Variants in TPRG1 observed in about 807,000 individuals in gnomAD.
TPRG1 encodes the protein tumor protein p63-regulated gene 1 protein.
A neutral mutation model predicts 29.3 loss-of-function variants in TPRG1; 29 were observed. That is an observed-to-expected ratio of 0.99 (90% CI 0.74 to 1.35). TPRG1 has a LOEUF of 1.35. Ranked by LOEUF, TPRG1 falls within the 40% of genes most tolerant of loss-of-function variation. TPRG1 has a pLI of 0.00. For missense variants in TPRG1, 327 were observed against 335.0 expected, an observed-to-expected ratio of 0.98 and a Z score of 0.19; for synonymous variants, 130 against 116.8, an observed-to-expected ratio of 1.11 and a Z score of -0.73.
intron 5 of TPRG1, among the ~76,000 whole-genome samples, chr3:189,158,666 A>G (rs374823724): frequency 6.6e-6 from 1 of 152,240 alleles, no homozygotes; most frequent in African/African-American, 2.4e-5. Context: ...GGAAGAGCAG[A>G]CACCACTGCT....
chr3:189,311,456 C>T (rs979178308), intron 5 of TPRG1, among the ~76,000 whole-genome samples: 8 of 152,118 alleles, frequency 5.3e-5, no homozygotes, highest in Admixed American at 1.3e-4. Flanking sequence ...CATACCTATT[C>T]GTGCAAGTGT....
At chr3:189,016,026 A>C (rs551575415) in intron 3 of TPRG1, among the ~76,000 whole-genome samples, 12 of 152,108 alleles carry the variant, frequency 7.9e-5, no homozygotes, top group Non-Finnish European at 1.8e-4. Flanking sequence ...AGAATGGTAG[A>C]TCCAATAACA....
chr3:189,040,296 A>G (rs1407811046), intron 4 of TPRG1, among the ~76,000 whole-genome samples: 1 of 152,228 alleles, frequency 6.6e-6, no homozygotes, highest in African/African-American at 2.4e-5. Flanking sequence ...ACAGCGAAAT[A>G]TTGAACTTCT....
intron 2 of TPRG1, among the ~76,000 whole-genome samples, chr3:189,214,475 G>C (rs191115603): frequency 1.3e-5 from 2 of 152,214 alleles, no homozygotes; most frequent in East Asian, 1.9e-4. Context: ...CTCCCCTCCA[G>C]AGTCATCTAT....
intron 4 of TPRG1, among the ~76,000 whole-genome samples, chr3:189,041,262 A>G (rs1714615311): frequency 6.6e-6 from 1 of 152,160 alleles, no homozygotes; most frequent in African/African-American, 2.4e-5. Flanking sequence ...CTCATGTAGC[A>G]TGGTCATTGC....
At chr3:189,272,682 CCTTT>C (rs58830987) in intron 4 of TPRG1, among the ~76,000 whole-genome samples, 15 of 140,210 alleles carry the variant, frequency 1.1e-4, no homozygotes, top group African/African-American at 3.0e-4. Context: ...TCCTTTCTTT[CCTTT>C]CTTTCTTTCT....
chr3:189,180,003 T>C lies in TPRG1; in HGVS notation c.-10+7872T>C, dbSNP rs1578690078. Among the ~76,000 whole-genome samples the C allele has an allele frequency of 2.6e-5, 4 of 152,192 alleles. No homozygotes were observed. The South Asian group carries it at 8.3e-4, about 32-fold the overall frequency. On this transcript the variant is annotated intron_variant, in intron 1 of 5. Transcript: ENST00000345063. ...GTCTGGGGAAGCCTCACAATCATGATGGAAGGCAAGGAGGAGCAAGTCACA... is the reference window on the plus strand; with the variant it reads ...GTCTGGGGAAGCCTCACAATCATGACGGAAGGCAAGGAGGAGCAAGTCACA...
intron 3 of TPRG1, among the ~76,000 whole-genome samples, chr3:189,230,515 A>T (rs1439979064): frequency 6.6e-6 from 1 of 152,062 alleles, no homozygotes; most frequent in East Asian, 1.9e-4. Flanking sequence ...CTCTTGCTTC[A>T]GTCATGCTGG....
At chr3:189,094,850 C>T (rs1020501167) in intron 4 of TPRG1, among the ~76,000 whole-genome samples, 1 of 152,216 alleles carries the variant, frequency 6.6e-6, no homozygotes, top group African/African-American at 2.4e-5. Flanking sequence ...CTCTTGCTGT[C>T]ATCCATCACT....
intron 4 of TPRG1, among the ~76,000 whole-genome samples, chr3:189,092,742 A>G (rs914280898): frequency 6.6e-5 from 10 of 152,272 alleles, no homozygotes; most frequent in African/African-American, 2.2e-4. Context: ...CCAAATGCTT[A>G]TCATAAGCTA....
At position 189,289,661 on chromosome 3, in the gene TPRG1, A is replaced by G. The variant is rs1176042074; in HGVS notation, c.480-20725A>G. ...TGAGACTACTTCTTTAACGTGCCTA[A>G]TACAGCAGCACTAGGTAAATATTAA... On this transcript the variant is annotated intron_variant, in intron 4 of 5. Coordinates refer to ENST00000345063, the MANE Select transcript of TPRG1 (RefSeq NM_198485.4). Among the ~76,000 whole-genome samples, 6 of 152,234 alleles carry G rather than the reference A, an allele frequency of 3.9e-5. No individual in the cohort carries two copies. The East Asian group carries it at 1.2e-3, about 29-fold the overall frequency.
intron 3 of TPRG1, chr3:189,218,130 T>A: frequency 2.5e-6 from 2 of 796,592 alleles, no homozygotes; most frequent in South Asian, 5.7e-5. Context: ...CTTTTTTTTT[T>A]GAGACGGAGT....
intron 4 of TPRG1, among the ~76,000 whole-genome samples, chr3:189,071,204 C>T (rs897142986): frequency 5.9e-5 from 9 of 152,080 alleles, no homozygotes; most frequent in African/African-American, 1.9e-4. Flanking sequence ...ATGCAGGGGA[C>T]CAGCCATCAC....
chr3:189,238,973 C>G (rs1354826109), intron 4 of TPRG1, 64 bp downstream of exon 4: 3 of 1,437,630 alleles, frequency 2.1e-6, no homozygotes, highest in Admixed American at 2.3e-5. Flanking sequence ...GGAAAACAAG[C>G]CGAAAATTCA....
At chr3:189,087,468 C>T (rs1311543296) in intron 4 of TPRG1, among the ~76,000 whole-genome samples, 1 of 152,144 alleles carries the variant, frequency 6.6e-6, no homozygotes, top group African/African-American at 2.4e-5. Context: ...CCTGTTCACT[C>T]TGATGGTAGT....
intron 4 of TPRG1, among the ~76,000 whole-genome samples, chr3:189,088,280 TC>T (rs1466309354): frequency 6.6e-6 from 1 of 151,560 alleles, no homozygotes. Flanking sequence ...GAATGGGAGT[TC>T]ACTCATGATT....
intron 4 of TPRG1, among the ~76,000 whole-genome samples, chr3:189,252,952 T>C (rs1742516492): frequency 6.6e-6 from 1 of 152,194 alleles, no homozygotes; most frequent in South Asian, 2.1e-4. Flanking sequence ...TAATTTCATT[T>C]ACATATTGGA....
At chr3:189,320,285 G>A (rs1050552418) in intron 5 of TPRG1, among the ~76,000 whole-genome samples, 7 of 151,894 alleles carry the variant, frequency 4.6e-5, no homozygotes, top group Non-Finnish European at 7.4e-5. Flanking sequence ...TACTAATACC[G>A]ATGCAAATTA....
At chr3:189,108,904 T>A (rs778707491) in intron 1 of TPRG1, among the ~76,000 whole-genome samples, 4 of 152,036 alleles carry the variant, frequency 2.6e-5, no homozygotes, top group Non-Finnish European at 5.9e-5. Context: ...TGCTTTGCTC[T>A]CCTGCACCCC....
Sources: allele counts gnomAD v4.1 joint callset (sites outside exome capture counted in the v4.1 genomes callset), GRCh38; gene constraint gnomAD v4.1.1; transcripts MANE v1.5; gene names NCBI Gene and HGNC (gene_info 2026-07-23, HGNC 2026-07-21).